Variants in PCDHGA4 observed in about 807,000 individuals in gnomAD.
PCDHGA4 encodes protocadherin gamma-A4.
In PCDHGA4, 38 loss-of-function variants were observed where a neutral mutation model predicts 54.6. That is an observed-to-expected ratio of 0.70 (90% CI 0.54 to 0.91). PCDHGA4 has a LOEUF of 0.91. PCDHGA4 is among the 40% of genes least tolerant of loss of function. PCDHGA4 has a pLI of 0.00. For missense variants in PCDHGA4, 1,298 were observed against 1,220.9 expected, an observed-to-expected ratio of 1.06 and a Z score of -0.94; for synonymous variants, 511 against 512.9, an observed-to-expected ratio of 1.00 and a Z score of 0.05.
chr5:141,383,028 C>A (rs1561593921), intron 1 of PCDHGA4: 23 of 1,613,814 alleles, frequency 1.4e-5, no homozygotes, highest in Non-Finnish European at 1.9e-5. Flanking sequence ...ACAAAGGGTC[C>A]TTTGTGGGAG....
Position 141,427,474 on chromosome 5 carries a change from A to T in PCDHGA4, c.2515-67333A>T, listed in dbSNP as rs373512099. On this transcript the variant is annotated intron_variant, in intron 1 of 3. Transcript: ENST00000571252. The stretch of plus-strand genomic sequence containing the variant: ...CCTTTTAGAATCGAATCTTCCGCCA[A>T]TAATGACTATAAGCTTGTAACAGAT... 10 of 520,294 alleles carry T rather than the reference A, an allele frequency of 1.9e-5. No individual in the cohort carries two copies. In the East Asian group the frequency reaches 2.1e-4, roughly 11 times the overall value. The allele number at this position is 520,294 out of a possible 1,614,324, so 32.2% of individuals were successfully genotyped here. A position where few individuals can be genotyped will look rare whatever the true frequency, so the allele number is the denominator to read the frequency against.
At chr5:141,414,738 C>T in intron 1 of PCDHGA4, 1 of 1,614,238 alleles carries the variant, frequency 6.2e-7, no homozygotes, top group Non-Finnish European at 8.5e-7. Context: ...TGTATGCACT[C>T]AGATCCTTCG....
At chr5:141,383,441 C>T (rs529896434) in intron 1 of PCDHGA4, 15 of 1,613,978 alleles carry the variant, frequency 9.3e-6, no homozygotes, top group South Asian at 7.7e-5. Flanking sequence ...TTCTCCCTGG[C>T]TGTGCAAAGT....
At chr5:141,384,568 G>A (rs1780218340) in intron 1 of PCDHGA4, 1 of 1,614,118 alleles carries the variant, frequency 6.2e-7, no homozygotes, top group Non-Finnish European at 8.5e-7. Context: ...GGACCAGAAT[G>A]ACAACCCGCC....
rs746063311 is a variant in PCDHGA4, at chr5:141,376,553, G to C, written c.2514+18932G>C. 1.7e-5 allele frequency: 28 copies of C among 1,610,698 alleles called. No homozygotes were observed. The Admixed American group carries it at 2.2e-4, about 13-fold the overall frequency. On this transcript the variant is annotated intron_variant, in intron 1 of 3. Coordinates refer to ENST00000571252, the MANE Select transcript of PCDHGA4 (RefSeq NM_018917.4). ...GCGGGAAGAGTAATCTGATCTTCCC[G>C]CAACCCAACTAATCAGACAGGCTCA...
At position 141,485,833 on chromosome 5, in the gene PCDHGA4, G is replaced by A. The variant is rs780944737; in HGVS notation, c.2515-8974G>A. 64 of 1,613,904 alleles carry A rather than the reference G, an allele frequency of 4.0e-5. No homozygotes were observed. Among genetic ancestry groups the A allele is most frequent in the Non-Finnish European group, 2.5e-6 (3 of 1,180,004 alleles). On this transcript the variant is annotated intron_variant, in intron 1 of 3. Coordinates refer to ENST00000571252, the MANE Select transcript of PCDHGA4 (RefSeq NM_018917.4). This position sits in a 1 kb window ranked among gnomAD's most constrained non-coding sequence, Gnocchi z 5.7. Reference sequence around the variant, plus strand: ...TGACTGCTGTCGATGGAGGGAACCCGCCGAGATCTGGCACCGCAGAGCTCC... The same window carrying A: ...TGACTGCTGTCGATGGAGGGAACCCACCGAGATCTGGCACCGCAGAGCTCC...
Position 141,432,701 on chromosome 5 carries a change from G to A in PCDHGA4, c.2515-62106G>A, listed in dbSNP as rs200101512. ...GCAGAGCCTCGTAGTGGCCGTCCAG[G>A]ACCACGGCCAGCCCCCTCTCTCCGC... On this transcript the variant is annotated intron_variant, in intron 1 of 3. Coordinates refer to ENST00000571252, the MANE Select transcript of PCDHGA4 (RefSeq NM_018917.4). This position sits in a 1 kb window ranked among gnomAD's most constrained non-coding sequence, Gnocchi z 6.0. The A allele has an allele frequency of 2.7e-5, 44 of 1,613,842 alleles. No homozygotes were observed. The Admixed American group carries it at 5.3e-4, about 20-fold the overall frequency.
chr5:141,422,685 C>G lies in PCDHGA4; in HGVS notation c.2514+65064C>G, dbSNP rs754112462. The G allele has an allele frequency of 2.5e-6, 4 of 1,605,144 alleles. No individual in the cohort carries two copies. The South Asian group carries it at 4.5e-5, about 18-fold the overall frequency. On this transcript the variant is annotated intron_variant, in intron 1 of 3. Coordinates refer to ENST00000571252, the MANE Select transcript of PCDHGA4 (RefSeq NM_018917.4). ...TCGACCCGGACAGCAAACAGAATGCCCTGGTCACTTACTCTCTGACGGATG... is the reference window on the plus strand; with the variant it reads ...TCGACCCGGACAGCAAACAGAATGCGCTGGTCACTTACTCTCTGACGGATG...
In PCDHGA4 at chr5:141,487,743, G is replaced by C. The variant is rs1424889718; in HGVS notation, c.2515-7064G>C. The C allele has an allele frequency of 1.9e-6, 3 of 1,559,988 alleles. No homozygotes were observed. Among genetic ancestry groups the C allele is most frequent in the Non-Finnish European group, 2.6e-6 (3 of 1,150,774 alleles). ...AGTGATGTCACCATTTTTGTAAGAG[G>C]TAACTATGTGGTAGACGCTGTGCTT... On this transcript the variant is annotated intron_variant, in intron 1 of 3. Transcript: ENST00000571252. The surrounding 1 kb of genome is among the most constrained non-coding windows in gnomAD (Gnocchi z 5.0).
Position 141,477,098 on chromosome 5 carries a change from G to A in PCDHGA4, c.2515-17709G>A, listed in dbSNP as rs1562059777. 1.9e-6 allele frequency: 3 copies of A among 1,614,124 alleles called. No individual in the cohort carries two copies. The highest frequency in any genetic ancestry group is 3.3e-5 in the Admixed American group (2 of 60,008). The stretch of plus-strand genomic sequence containing the variant: ...GATTTACATCCAGGCCAAAGACAAG[G>A]GCGCCAATCCCGAAGGAGCACATTG... On this transcript the variant is annotated intron_variant, in intron 1 of 3. Coordinates refer to ENST00000571252, the MANE Select transcript of PCDHGA4 (RefSeq NM_018917.4). This position sits in a 1 kb window ranked among gnomAD's most constrained non-coding sequence, Gnocchi z 4.9.
At chr5:141,389,567 G>A in intron 1 of PCDHGA4, 1 of 1,613,250 alleles carries the variant, frequency 6.2e-7, no homozygotes, top group South Asian at 1.1e-5. Flanking sequence ...CACGGGTGCT[G>A]TACCCCGCGC....
chr5:141,421,697 A>T (rs750973568), intron 1 of PCDHGA4: 8 of 1,613,924 alleles, frequency 5.0e-6, no homozygotes, highest in Non-Finnish European at 6.8e-6. Context: ...GCTCTTCCTA[A>T]TGCTAGGGAT....
chr5:141,504,010 C>G (rs980812107), intron 2 of PCDHGA4, among the ~76,000 whole-genome samples: 9 of 152,204 alleles, frequency 5.9e-5, no homozygotes, highest in African/African-American at 1.2e-4. Context: ...TTAACTGTCT[C>G]TGCTGGTCTC....
At chr5:141,468,755 A>G (rs918829539) in intron 1 of PCDHGA4, among the ~76,000 whole-genome samples, 3 of 151,976 alleles carry the variant, frequency 2.0e-5, no homozygotes, top group African/African-American at 7.2e-5. Flanking sequence ...AGTCCCAGCT[A>G]CTCGGGAGGC....
rs551220443 is a variant in PCDHGA4, at chr5:141,432,206, G to A, written c.2515-62601G>A. On this transcript the variant is annotated intron_variant, in intron 1 of 3. Transcript: ENST00000571252. The surrounding 1 kb of genome is among the most constrained non-coding windows in gnomAD (Gnocchi z 6.0). ...GACCGCCCACGACCCCGACTGTGAA[G>A]AGAACGCCCAGATCACTTATTCCCT... The A allele has an allele frequency of 6.2e-7, 1 of 1,614,096 alleles. No individual in the cohort carries two copies. Among genetic ancestry groups the A allele is most frequent in the Non-Finnish European group, 8.5e-7 (1 of 1,180,042 alleles).
intron 1 of PCDHGA4, chr5:141,405,537 A>G (rs2094682119): frequency 3.1e-6 from 2 of 643,630 alleles, no homozygotes; most frequent in Middle Eastern, 4.2e-4. Context: ...CTCCTGCCTC[A>G]GCCTCCCAAG....
intron 1 of PCDHGA4, chr5:141,366,594 A>T: frequency 6.2e-7 from 1 of 1,614,242 alleles, no homozygotes; most frequent in South Asian, 1.1e-5. Context: ...ACCTATTCCC[A>T]CGAGGTCTCC....
intron 1 of PCDHGA4, chr5:141,375,494 A>G (rs531964516): frequency 6.2e-7 from 1 of 1,613,834 alleles, no homozygotes; most frequent in Non-Finnish European, 8.5e-7. Flanking sequence ...GGGTGCCTCC[A>G]TCTTCTCTGT....
chr5:141,430,017 CTTG>C (rs1203011013), intron 1 of PCDHGA4, among the ~76,000 whole-genome samples: 6 of 152,096 alleles, frequency 3.9e-5, no homozygotes, highest in African/African-American at 1.2e-4. Context: ...CACTTGGGTT[CTTG>C]TTAAGTGTGA....
Sources: gnomAD v4.1 joint callset for allele counts (sites outside exome capture counted in the v4.1 genomes callset) on GRCh38, gnomAD v4.1.1 for gene constraint, Gnocchi (gnomAD v3.1) non-coding constraint, MANE v1.5 for transcripts, NCBI Gene and HGNC (gene_info 2026-07-23, HGNC 2026-07-21) for gene names.